Variants in DSCAM observed in about 807,000 individuals in gnomAD.
The protein encoded by DSCAM is cell adhesion molecule DSCAM.
A neutral mutation model predicts 217.7 loss-of-function variants in DSCAM; 47 were observed. The ratio of observed to expected loss-of-function variants is 0.22; its 90% CI spans 0.17 to 0.28. DSCAM has a LOEUF of 0.28. DSCAM is among the 10% of genes least tolerant of loss of function. The pLI, the probability that DSCAM is intolerant of heterozygous loss-of-function variation, is 1.00. For synonymous variants in DSCAM, 1,056 were observed against 1,015.3 expected (o/e 1.04, Z -0.76); for missense variants, 2,080 against 2,618.3 (o/e 0.79, Z 4.49).
At chr21:40,165,180 C>G (rs1434450778) in intron 16 of DSCAM, among the ~76,000 whole-genome samples, 2 of 152,210 alleles carry the variant, frequency 1.3e-5, no homozygotes, top group Non-Finnish European at 2.9e-5. Context: ...CTCCTTCTTT[C>G]TTTCTCCTTA....
chr21:40,490,363 C>G (rs1359560881), intron 3 of DSCAM, among the ~76,000 whole-genome samples: 2 of 152,140 alleles, frequency 1.3e-5, no homozygotes, highest in African/African-American at 4.8e-5. Context: ...AAAATGGAAT[C>G]TATAATTGGA....
intron 3 of DSCAM, among the ~76,000 whole-genome samples, chr21:40,537,467 C>T (rs948761451): frequency 6.6e-6 from 1 of 152,082 alleles, no homozygotes; most frequent in Non-Finnish European, 1.5e-5. Flanking sequence ...GAGAATGCTA[C>T]CTTTTATAGG....
rs538507720 is a variant in DSCAM, at chr21:40,437,913, G to T, written c.509-68668C>A. ...GGGGCACTGGCAGTCAGGCCCTTGA[G>T]GCCAAGCTCTCAGATTTGGCTTGCA... On this transcript the variant is annotated intron_variant, in intron 3 of 32. Coordinates refer to ENST00000400454, the MANE Select transcript of DSCAM (RefSeq NM_001389.5). Among the ~76,000 whole-genome samples the T allele has an allele frequency of 1.5e-4, 23 of 152,354 alleles. No individual in the cohort carries two copies. In the South Asian group the frequency reaches 1.7e-3, roughly 11 times the overall value.
At chr21:40,321,945 A>G (rs946485299) in intron 8 of DSCAM, among the ~76,000 whole-genome samples, 1 of 152,084 alleles carries the variant, frequency 6.6e-6, no homozygotes, top group African/African-American at 2.4e-5. Flanking sequence ...TGCTTTTGGA[A>G]ACCGTTTCAG....
At chr21:40,109,987 G>C (rs1393124113) in intron 20 of DSCAM, among the ~76,000 whole-genome samples, 1 of 152,188 alleles carries the variant, frequency 6.6e-6, no homozygotes, top group African/African-American at 2.4e-5. Flanking sequence ...CTCCACCTCT[G>C]GGGGCAGGGC....
chr21:40,224,952 C>A (rs909530381), intron 11 of DSCAM, among the ~76,000 whole-genome samples: 1 of 152,210 alleles, frequency 6.6e-6, no homozygotes, highest in Non-Finnish European at 1.5e-5. Flanking sequence ...TCTATGGACT[C>A]TTGATAAAAA....
rs12627616 is a variant in DSCAM at position 40,320,289 on chromosome 21, T to C, written c.1784-7930A>G. ...CATATTATATTGTAATTTTAAACAGTGGATTGAATTATTTTATTTCCTGGT... is the reference window on the plus strand; with the variant it reads ...CATATTATATTGTAATTTTAAACAGCGGATTGAATTATTTTATTTCCTGGT... On this transcript the variant is annotated intron_variant, in intron 8 of 32. Coordinates refer to ENST00000400454, the MANE Select transcript of DSCAM (RefSeq NM_001389.5). 9.8e-4 allele frequency among the ~76,000 whole-genome samples: 150 copies of C among 152,334 alleles called. No homozygotes were observed. In the East Asian group the frequency reaches 0.022, roughly 23 times the overall value.
intron 32 of DSCAM, among the ~76,000 whole-genome samples, chr21:40,035,990 A>G (rs2088614826): frequency 6.9e-6 from 1 of 145,130 alleles, no homozygotes; most frequent in African/African-American, 2.7e-5. Flanking sequence ...ACAACATACC[A>G]GAATCTCTGG....
intron 3 of DSCAM, among the ~76,000 whole-genome samples, chr21:40,407,509 T>G (rs1338233609): frequency 6.6e-6 from 1 of 151,974 alleles, no homozygotes; most frequent in Non-Finnish European, 1.5e-5. Flanking sequence ...CCTTTGGAGG[T>G]CTTTCAAGCT....
intron 3 of DSCAM, among the ~76,000 whole-genome samples, chr21:40,454,803 T>C (rs149664772): frequency 6.6e-6 from 1 of 151,574 alleles, no homozygotes; most frequent in East Asian, 1.9e-4. Context: ...GGTGATGACT[T>C]TGGTGATGGG....
intron 27 of DSCAM, among the ~76,000 whole-genome samples, chr21:40,065,692 C>A (rs1051048208): frequency 6.6e-6 from 1 of 152,158 alleles, no homozygotes; most frequent in Non-Finnish European, 1.5e-5. Flanking sequence ...TCTCTCCCAG[C>A]CAGCATGTCC....
At chr21:40,466,566 C>T (rs550657321) in intron 3 of DSCAM, among the ~76,000 whole-genome samples, 1 of 151,982 alleles carries the variant, frequency 6.6e-6, no homozygotes, top group Non-Finnish European at 1.5e-5. Flanking sequence ...TAATTTATTT[C>T]TTAAATGGAC....
At chr21:40,637,152 TATATATAA>T (rs2089775725) in intron 3 of DSCAM, among the ~76,000 whole-genome samples, 1 of 61,614 alleles carries the variant, frequency 1.6e-5, no homozygotes, top group Non-Finnish European at 2.9e-5. Flanking sequence ...TATATATAAA[TATATATAA>T]ATATAAATAT....
intron 11 of DSCAM, among the ~76,000 whole-genome samples, chr21:40,264,057 A>T (rs767451392): frequency 7.5e-5 from 9 of 119,732 alleles, no homozygotes; most frequent in Non-Finnish European, 1.2e-4. Context: ...AATCAGCAAT[A>T]AAAAAAAAAT....
intron 3 of DSCAM, among the ~76,000 whole-genome samples, chr21:40,542,402 A>G (rs571985978): frequency 9.8e-5 from 15 of 152,296 alleles, no homozygotes; most frequent in African/African-American, 3.6e-4. Context: ...GCTCATTGCT[A>G]TGGACTGAAA....
At chr21:40,826,878 C>T (rs977917781) in intron 1 of DSCAM, among the ~76,000 whole-genome samples, 3 of 151,964 alleles carry the variant, frequency 2.0e-5, no homozygotes, top group Non-Finnish European at 2.9e-5. Flanking sequence ...GATTTGAGCT[C>T]AGAGAAGAAA....
At chr21:40,305,295 C>T (rs1042360557) in intron 9 of DSCAM, among the ~76,000 whole-genome samples, 1 of 147,648 alleles carries the variant, frequency 6.8e-6, no homozygotes, top group African/African-American at 2.5e-5. Flanking sequence ...GAAGCTGAGG[C>T]AGGAGAATGG....
chr21:40,276,532 C>A (rs2073689890), intron 10 of DSCAM, among the ~76,000 whole-genome samples: 1 of 152,146 alleles, frequency 6.6e-6, no homozygotes, highest in African/African-American at 2.4e-5. Context: ...ACATAAAAAG[C>A]CAAATTTGAT....
At chr21:40,138,081 GTTTA>G (rs2090234952) in intron 18 of DSCAM, among the ~76,000 whole-genome samples, 1 of 151,960 alleles carries the variant, frequency 6.6e-6, no homozygotes, top group Admixed American at 6.6e-5. Flanking sequence ...TCAAAATATT[GTTTA>G]TTTAACCTTC....
Sources: gnomAD v4.1 joint callset for allele counts (sites outside exome capture counted in the v4.1 genomes callset) on GRCh38, gnomAD v4.1.1 for gene constraint, MANE v1.5 for transcripts, NCBI Gene and HGNC (gene_info 2026-07-23, HGNC 2026-07-21) for gene names.